Variants in CPNE4 observed in about 807,000 individuals in gnomAD.
CPNE4 encodes the protein copine-4.
A neutral mutation model predicts 67.9 loss-of-function variants in CPNE4; 25 were observed. That is an observed-to-expected ratio of 0.37 (90% CI 0.27 to 0.51). CPNE4 has a LOEUF of 0.51. Ranked by LOEUF, CPNE4 falls within the 20% of genes least tolerant of loss-of-function variation. The pLI is 0.93. For missense variants in CPNE4, 464 were observed against 690.8 expected (o/e 0.67, Z 3.68); for synonymous variants, 242 against 244.9 (o/e 0.99, Z 0.11).
chr3:131,841,680 T>C (rs540149762), intron 2 of CPNE4, among the ~76,000 whole-genome samples: 6 of 152,306 alleles, frequency 3.9e-5, no homozygotes, highest in African/African-American at 1.4e-4. Context: ...TAGTCCCTGA[T>C]GCCAAAAAGG....
chr3:131,577,218 G>A (rs1242389194), intron 9 of CPNE4, among the ~76,000 whole-genome samples: 2 of 152,050 alleles, frequency 1.3e-5, no homozygotes, highest in African/African-American at 4.8e-5. Flanking sequence ...ATATGGTCCT[G>A]TATATATACA....
chr3:132,005,232 G>GGGATTATCT (rs1472816201), intron 1 of CPNE4, among the ~76,000 whole-genome samples: 1 of 150,598 alleles, frequency 6.6e-6, no homozygotes, highest in Non-Finnish European at 1.5e-5. Context: ...TTAAGCCACT[G>GGGATTATCT]GGATTATCTG....
chr3:131,633,088 A>T (rs1160406710), intron 7 of CPNE4, among the ~76,000 whole-genome samples: 2 of 152,136 alleles, frequency 1.3e-5, no homozygotes, highest in African/African-American at 4.8e-5. Context: ...TCTACCTTCC[A>T]GTTGCTCAGG....
intron 1 of CPNE4, among the ~76,000 whole-genome samples, chr3:131,959,775 C>T (rs537448000): frequency 6.6e-6 from 1 of 152,202 alleles, no homozygotes; most frequent in Admixed American, 6.5e-5. Flanking sequence ...CTTACTCGCC[C>T]CACTCCCTGA....
At chr3:132,028,737 C>T (rs2074172063) in intron 1 of CPNE4, among the ~76,000 whole-genome samples, 1 of 152,020 alleles carries the variant, frequency 6.6e-6, no homozygotes, top group Non-Finnish European at 1.5e-5. Context: ...CCACTACCCA[C>T]ATAGGAGCAT....
intron 1 of CPNE4, among the ~76,000 whole-genome samples, chr3:131,925,373 G>A (rs533819190): frequency 4.4e-4 from 67 of 152,178 alleles, no homozygotes; most frequent in African/African-American, 1.6e-3. Context: ...TGGGATCACC[G>A]TGATGTCAGC....
chr3:131,795,719 C>T (rs1046020167), intron 2 of CPNE4, among the ~76,000 whole-genome samples: 3 of 152,164 alleles, frequency 2.0e-5, no homozygotes, highest in Non-Finnish European at 4.4e-5. Flanking sequence ...CCTCGGGTCA[C>T]GCTAACAAGG....
intron 2 of CPNE4, among the ~76,000 whole-genome samples, chr3:131,893,086 G>C (rs928848082): frequency 6.6e-6 from 1 of 151,928 alleles, no homozygotes; most frequent in Admixed American, 6.6e-5. Flanking sequence ...CTGCCTATAA[G>C]AGACTCACCT....
At chr3:131,839,091 G>C (rs1270872184) in intron 2 of CPNE4, among the ~76,000 whole-genome samples, 12 of 151,776 alleles carry the variant, frequency 7.9e-5, no homozygotes, top group Non-Finnish European at 1.8e-4. Context: ...GCCTTAAATA[G>C]TTCATTATCT....
At chr3:131,950,790 G>C (rs754741370) in intron 1 of CPNE4, among the ~76,000 whole-genome samples, 7 of 152,122 alleles carry the variant, frequency 4.6e-5, no homozygotes, top group Non-Finnish European at 1.0e-4. Context: ...TCTACCCTAA[G>C]TTTCACTAGA....
At chr3:131,962,113 G>A (rs2072200391) in intron 1 of CPNE4, among the ~76,000 whole-genome samples, 1 of 152,068 alleles carries the variant, frequency 6.6e-6, no homozygotes, top group African/African-American at 2.4e-5. Flanking sequence ...GTTCCCCTTT[G>A]AGTAGACTCC....
chr3:131,952,132 G>A (rs1336605884), intron 1 of CPNE4, among the ~76,000 whole-genome samples: 21 of 147,704 alleles, frequency 1.4e-4, no homozygotes, highest in Non-Finnish European at 2.1e-4. Flanking sequence ...GCCTCTTCCC[G>A]GCCGCCATCA....
chr3:131,555,702 G>A (rs1412553720), intron 11 of CPNE4, 151 bp from the exon 12 acceptor site: 2 of 661,410 alleles, frequency 3.0e-6, no homozygotes, highest in African/African-American at 3.6e-5. Context: ...GTGGTGATGG[G>A]GGTAGCAATA....
chr3:131,838,261 G>T (rs558645777), intron 2 of CPNE4, among the ~76,000 whole-genome samples: 1 of 151,780 alleles, frequency 6.6e-6, no homozygotes, highest in African/African-American at 2.4e-5. Flanking sequence ...CTATGCAAAT[G>T]GATATTTTAA....
At chr3:131,829,460 G>A (rs1001373075) in intron 2 of CPNE4, among the ~76,000 whole-genome samples, 1 of 152,136 alleles carries the variant, frequency 6.6e-6, no homozygotes, top group African/African-American at 2.4e-5. Context: ...TCACCTTGAG[G>A]TAGGGACAGT....
At chr3:132,007,634 TTTCA>T (rs2073644526) in intron 1 of CPNE4, among the ~76,000 whole-genome samples, 1 of 152,184 alleles carries the variant, frequency 6.6e-6, no homozygotes, top group African/African-American at 2.4e-5. Context: ...CCTTTTTTTT[TTTCA>T]TTCAACAGTT....
chr3:131,698,233 C>CAAAAAAAAAAAAAAAAA (rs369274504), intron 4 of CPNE4, among the ~76,000 whole-genome samples: 47 of 64,440 alleles, frequency 7.3e-4, no homozygotes, highest in Non-Finnish European at 1.0e-3. Flanking sequence ...GGCTCTGTCT[C>CAAAAAAAAAAAAAAAAA]AAAAAAAAAA....
At chr3:131,976,211 G>A (rs2072650132) in intron 1 of CPNE4, among the ~76,000 whole-genome samples, 1 of 151,782 alleles carries the variant, frequency 6.6e-6, no homozygotes, top group African/African-American at 2.4e-5. Flanking sequence ...GGGAAAGAAG[G>A]CTAGGGTCAG....
chr3:131,974,480 A>G (rs2072591725), intron 1 of CPNE4, among the ~76,000 whole-genome samples: 1 of 152,224 alleles, frequency 6.6e-6, no homozygotes, highest in Non-Finnish European at 1.5e-5. Context: ...TGACTCTAAC[A>G]GATGACCTGC....
Sources: allele counts gnomAD v4.1 joint callset (sites outside exome capture counted in the v4.1 genomes callset), GRCh38; gene constraint gnomAD v4.1.1; transcripts MANE v1.5; gene names NCBI Gene and HGNC (gene_info 2026-07-23, HGNC 2026-07-21).